STN1: variants seen among roughly 807,000 people sequenced by gnomAD.
The protein encoded by STN1 is STN1 subunit of CST complex, also known as CST complex subunit STN1.
Under a neutral mutation model 45.5 loss-of-function variants are expected in STN1, and 29 were observed. The observed-to-expected ratio is 0.64, with a 90% CI of 0.47 to 0.87. The LOEUF is 0.87. Ranked by LOEUF, STN1 falls within the 40% of genes least tolerant of loss-of-function variation. STN1 has a pLI of 0.00. For synonymous variants in STN1, 148 were observed against 159.0 expected (o/e 0.93, Z 0.52); for missense variants, 376 against 441.4 (o/e 0.85, Z 1.33).
Position 103,900,079 on chromosome 10 carries a change from A to G in STN1, c.440T>C (p.Ile147Thr). The stretch of plus-strand genomic sequence containing the variant: ...GTGCTTACAGTAAGTGGTGGCATGA[A>G]TCTCTCGCTCTTCTCTGTATGTGCG... ...SIRTYREERE[I>T]HATTYYKVDD... The change falls in exon 5 of 10, where the codon ATT becomes ACT. Residue 147 changes from isoleucine to threonine, a missense_variant. Transcript: ENST00000224950. 1 of 1,614,110 alleles carries G rather than the reference A, an allele frequency of 6.2e-7. No homozygotes were observed. Among genetic ancestry groups the G allele is most frequent in the Non-Finnish European group, 8.5e-7 (1 of 1,179,992 alleles).
chr10:103,911,808 T>A (rs1487376579), intron 2 of STN1, among the ~76,000 whole-genome samples: 7 of 152,178 alleles, frequency 4.6e-5, no homozygotes, highest in Admixed American at 4.6e-4. Context: ...GTGGCCTGAA[T>A]CCCGACGCCC....
intron 9 of STN1, among the ~76,000 whole-genome samples, chr10:103,884,693 G>A (rs970960368): frequency 1.3e-5 from 2 of 152,130 alleles, no homozygotes; most frequent in African/African-American, 2.4e-5. Context: ...GAGGTATTGC[G>A]GTGTGAGGCA....
intron 3 of STN1, among the ~76,000 whole-genome samples, chr10:103,909,218 T>C (rs1423973182): frequency 1.3e-5 from 2 of 151,026 alleles, no homozygotes; most frequent in African/African-American, 4.9e-5. Context: ...GTACTGCCCA[T>C]AGCTGGATAC....
intron 2 of STN1, 26 bp from the exon 3 acceptor site, chr10:103,910,648 A>T (rs1843283999): frequency 1.5e-6 from 2 of 1,327,246 alleles, no homozygotes; most frequent in Non-Finnish European, 1.1e-6. Context: ...AGCAAAGTCG[A>T]CATAATGTAT....
Position 103,888,598 on chromosome 10 carries a change from C to T in STN1, c.949+474G>A, listed in dbSNP as rs562760668. On this transcript the variant is annotated intron_variant, in intron 9 of 9. Coordinates refer to ENST00000224950, the MANE Select transcript of STN1 (RefSeq NM_024928.5). Reference sequence around the variant, plus strand: ...GTTCATAAACAGTCATGTCTAGAACCATCCCTTCCAACACTGAAAGGCTTT... The same window carrying T: ...GTTCATAAACAGTCATGTCTAGAACTATCCCTTCCAACACTGAAAGGCTTT... 1.7e-4 allele frequency among the ~76,000 whole-genome samples: 26 copies of T among 152,296 alleles called. No homozygotes were observed. In the South Asian group the frequency reaches 3.9e-3, roughly 23 times the overall value.
Position 103,880,747 on chromosome 10 carries a change from AGAGGTCTGGGACT to A in STN1, c.*1924_*1936del, listed in dbSNP as rs1405182871. 6.6e-6 allele frequency among the ~76,000 whole-genome samples: 1 copy of A among 152,196 alleles called. No individual in the cohort carries two copies. The highest frequency in any genetic ancestry group is 1.5e-5 in the Non-Finnish European group (1 of 68,034). ...CCCCAGTGAGCAAGCCAGATAGAAA[AGAGGTCTGGGACT>A]GAGTCCTCAGGGAGGCAGAGCACTG... On this transcript the variant is annotated 3_prime_UTR_variant, in exon 10 of 10. Coordinates refer to ENST00000224950, the MANE Select transcript of STN1 (RefSeq NM_024928.5).
intron 3 of STN1, among the ~76,000 whole-genome samples, chr10:103,908,505 GA>G (rs1843258950): frequency 6.6e-6 from 1 of 152,234 alleles, no homozygotes; most frequent in South Asian, 2.1e-4. Flanking sequence ...GCAGAACCCA[GA>G]ACAGCAGGGA....
chr10:103,896,969 GT>G (rs1397438582), intron 7 of STN1, among the ~76,000 whole-genome samples: 2 of 152,206 alleles, frequency 1.3e-5, no homozygotes, highest in Non-Finnish European at 2.9e-5. Context: ...TGACAGGGAA[GT>G]AGATGAGAGG....
chr10:103,893,748 C>A (rs1452069998), intron 7 of STN1, among the ~76,000 whole-genome samples: 1 of 152,174 alleles, frequency 6.6e-6, no homozygotes, highest in African/African-American at 2.4e-5. Context: ...TAGAAGAGAC[C>A]TCCCAAACAG....
At chr10:103,916,030 T>A (rs1475674676) in intron 2 of STN1, among the ~76,000 whole-genome samples, 2 of 152,220 alleles carry the variant, frequency 1.3e-5, no homozygotes, top group African/African-American at 4.8e-5. Context: ...GTGGCCCAGT[T>A]CCTAATGGCC....
chr10:103,880,465 T>C lies in STN1; in HGVS notation c.*2219A>G, dbSNP rs188709408. Among the ~76,000 whole-genome samples the C allele has an allele frequency of 2.0e-5, 3 of 152,306 alleles. No individual in the cohort carries two copies. Among genetic ancestry groups the C allele is most frequent in the Admixed American group, 1.3e-4 (2 of 15,296 alleles). ...CTGATCTTTGCTTGAACGTGGGGTT[T>C]CATTTGGGACCCTCCCCTCTCTGCC... On this transcript the variant is annotated 3_prime_UTR_variant, in exon 10 of 10. Coordinates refer to ENST00000224950, the MANE Select transcript of STN1 (RefSeq NM_024928.5).
At chr10:103,904,819 T>C (rs539234959) in intron 4 of STN1, among the ~76,000 whole-genome samples, 4 of 152,280 alleles carry the variant, frequency 2.6e-5, no homozygotes, top group East Asian at 1.9e-4. Context: ...ATGGTAAAAA[T>C]GAATTGCTGA....
In STN1 at chr10:103,898,917, G is replaced by C; in HGVS notation, c.541C>G (p.Pro181Ala). 1 of 1,614,032 alleles carries C rather than the reference G, an allele frequency of 6.2e-7. No homozygotes were observed. The highest frequency in any genetic ancestry group is 8.5e-7 in the Non-Finnish European group (1 of 1,179,978). The change falls in exon 6 of 10, where the codon CCT (proline) becomes GCT (alanine). Residue 181 changes from proline to alanine, a missense_variant. By Grantham distance (27) the Pro-to-Ala change is conservative. Transcript: ENST00000224950. ...PTIYRKVYDQ[P>A]FHSSALEKEE... The stretch of plus-strand genomic sequence containing the variant: ...TTCTCTAGGGCTGAGCTGTGAAAAG[G>C]CTGGTCATAAACTTTCCTGTAGATA...
At chr10:103,914,372 A>ATT (rs1564636185) in intron 2 of STN1, among the ~76,000 whole-genome samples, 2 of 82,650 alleles carry the variant, frequency 2.4e-5, no homozygotes, top group Admixed American at 1.4e-4. Flanking sequence ...ATATATATAT[A>ATT]TATTTTTTTT....
At chr10:103,901,288 T>C (rs1843208833) in intron 4 of STN1, among the ~76,000 whole-genome samples, 1 of 152,230 alleles carries the variant, frequency 6.6e-6, no homozygotes, top group Non-Finnish European at 1.5e-5. Flanking sequence ...GGTCTCACTA[T>C]GTTGCCCAGG....
chr10:103,908,922 AAGG>A (rs1589502470), intron 3 of STN1, among the ~76,000 whole-genome samples: 1 of 151,976 alleles, frequency 6.6e-6, no homozygotes, highest in Non-Finnish European at 1.5e-5. Context: ...GGATGGAAGA[AAGG>A]AGGAGGAGAG....
At chr10:103,895,369 G>A (rs1316703362) in intron 7 of STN1, among the ~76,000 whole-genome samples, 1 of 152,134 alleles carries the variant, frequency 6.6e-6, no homozygotes, top group Non-Finnish European at 1.5e-5. Flanking sequence ...GGAAGAGCTG[G>A]CTTCATGTGA....
intron 8 of STN1, among the ~76,000 whole-genome samples, chr10:103,889,381 G>A (rs1467185052): frequency 6.6e-6 from 1 of 151,988 alleles, no homozygotes; most frequent in Non-Finnish European, 1.5e-5. Context: ...AAAAAAGCTG[G>A]AATTGCATAC....
chr10:103,883,884 G>GTTC (rs1197814333), intron 9 of STN1, among the ~76,000 whole-genome samples: 1 of 152,014 alleles, frequency 6.6e-6, no homozygotes, highest in Non-Finnish European at 1.5e-5. Flanking sequence ...GAGGTTGGGA[G>GTTC]TTCGAGACCA....
Sources: allele counts gnomAD v4.1 joint callset (sites outside exome capture counted in the v4.1 genomes callset), GRCh38; gene constraint gnomAD v4.1.1; transcripts MANE v1.5; gene names NCBI Gene and HGNC (gene_info 2026-07-23, HGNC 2026-07-21).